FLCN: variants seen among roughly 807,000 people sequenced by gnomAD.
FLCN encodes folliculin.
FLCN carries 22 observed loss-of-function variants against 62.5 expected under a neutral mutation model. The ratio of observed to expected loss-of-function variants is 0.35; its 90% CI spans 0.25 to 0.50. The LOEUF (loss-of-function observed/expected upper bound fraction) is 0.50. Ranked by LOEUF, FLCN falls within the 20% of genes least tolerant of loss-of-function variation. FLCN has a pLI of 0.97. For synonymous variants in FLCN, 319 were observed against 310.0 expected, an observed-to-expected ratio of 1.03 and a Z score of -0.30; for missense variants, 657 against 778.0, an observed-to-expected ratio of 0.84 and a Z score of 1.85.
At chr17:17,234,298 G>A (rs1449862211) in intron 1 of FLCN, among the ~76,000 whole-genome samples, 1 of 147,644 alleles carries the variant, frequency 6.8e-6, no homozygotes, top group Admixed American at 6.9e-5. Flanking sequence ...TGCCACCTCC[G>A]CCTCCCAGGT....
At chr17:17,213,973 C>A (rs1266280170) in intron 13 of FLCN, 117 bp from the exon 14 acceptor site, 5 of 1,088,978 alleles carry the variant, frequency 4.6e-6, no homozygotes, top group Non-Finnish European at 6.9e-6. Flanking sequence ...GCAGGCAGAG[C>A]TGGAATCCAC....
rs1235496125 is a variant in FLCN, at chr17:17,213,754, G to A, written c.1641C>T (p.Val547=). 1 of 1,614,238 alleles carries A rather than the reference G, an allele frequency of 6.2e-7. No homozygotes were observed. The highest frequency in any genetic ancestry group is 8.5e-7 in the Non-Finnish European group (1 of 1,180,044). Residue 547 remains valine, a synonymous_variant, in exon 14 of 14, where the codon GTC becomes GTT. Transcript: ENST00000285071. The part of the protein sequence containing the change: ...SILGASEEDN[V]KLLKFWMTGL... Reference sequence around the variant, plus strand: ...CAGTCATCCAGAACTTCAGCAGCTTGACATTGTCCTCCTCGGACGCACCCA... The same window carrying A: ...CAGTCATCCAGAACTTCAGCAGCTTAACATTGTCCTCCTCGGACGCACCCA...
chr17:17,236,579 G>A (rs1298588986), intron 1 of FLCN, among the ~76,000 whole-genome samples: 1 of 152,136 alleles, frequency 6.6e-6, no homozygotes, highest in Non-Finnish European at 1.5e-5. Context: ...CCTCCCTGGA[G>A]GACACGGTGC....
chr17:17,222,778 T>G, intron 6 of FLCN, 117 bp from the exon 7 acceptor site: 2 of 1,210,994 alleles, frequency 1.7e-6, no homozygotes, highest in Middle Eastern at 2.0e-4. Flanking sequence ...CCCACTATAC[T>G]CTCTCCATGC....
chr17:17,221,762 G>A lies in FLCN; in HGVS notation c.780-134C>T. ...AACACCAGCAGGGCACAACCAGCCAGATCCCGCATGCAGGCAGTTCCACAA... is the reference window on the plus strand; with the variant it reads ...AACACCAGCAGGGCACAACCAGCCAAATCCCGCATGCAGGCAGTTCCACAA... On this transcript the variant is annotated intron_variant, in intron 7 of 13. Transcript: ENST00000285071. The A allele has an allele frequency of 3.3e-6, 3 of 922,686 alleles. No individual in the cohort carries two copies. The South Asian group carries it at 4.3e-5, about 13-fold the overall frequency. The allele number at this position is 922,686 out of a possible 1,614,324, so 57.2% of individuals were successfully genotyped here. A position where few individuals can be genotyped will look rare whatever the true frequency, so the allele number is the denominator to read the frequency against.
At chr17:17,221,242 C>A in intron 8 of FLCN, 1 of 1,536,284 alleles carries the variant, frequency 6.5e-7, no homozygotes, top group South Asian at 1.2e-5. Flanking sequence ...ATCACAAAAT[C>A]GGGACGAGAA....
chr17:17,227,807 C>A, intron 4 of FLCN, 82 bp downstream of exon 4: 2 of 1,597,684 alleles, frequency 1.3e-6, no homozygotes, highest in Non-Finnish European at 1.7e-6. Flanking sequence ...CCCCGGGAGG[C>A]CCCGTCCACT....
At chr17:17,228,891 G>A (rs1420243055) in intron 3 of FLCN, 1 of 152,400 alleles carries the variant, frequency 6.6e-6, no homozygotes, top group East Asian at 1.9e-4. Context: ...AGAGACTGGG[G>A]AGGCTTTGGG....
chr17:17,233,573 T>G (rs1336027430), intron 1 of FLCN, among the ~76,000 whole-genome samples: 2 of 108,514 alleles, frequency 1.8e-5, no homozygotes, highest in Non-Finnish European at 3.4e-5. Context: ...CACTCCAGCC[T>G]GGGCGACACA....
rs2047172936 is a variant in FLCN, at chr17:17,223,965, T to C, written c.575A>G (p.Lys192Arg). The change falls in exon 6 of 14, where the codon AAG becomes AGG. Residue 192 changes from lysine (K) to arginine (R), a missense_variant. Coordinates refer to ENST00000285071, the MANE Select transcript of FLCN (RefSeq NM_144997.7). ...GAGCTCATCGATGATTCCCCGGACC[T>C]TCCCCAGCAGGAAGGGCCAGGAGTT... ...LINSWPFLLG[K>R]VRGIIDELQG... The C allele has an allele frequency of 6.2e-7, 1 of 1,613,362 alleles. No homozygotes were observed. Among genetic ancestry groups the C allele is most frequent in the Non-Finnish European group, 8.5e-7 (1 of 1,180,014 alleles).
chr17:17,222,934 C>T (rs548552778), intron 6 of FLCN: 5 of 481,350 alleles, frequency 1.0e-5, no homozygotes, highest in East Asian at 4.0e-5. Flanking sequence ...GGGGGATTCT[C>T]GTGAGTGGCC....
intron 2 of FLCN, among the ~76,000 whole-genome samples, 158 bp from the exon 3 acceptor site, chr17:17,232,040 G>C (rs528912468): frequency 2.0e-5 from 3 of 152,362 alleles, no homozygotes; most frequent in African/African-American, 7.2e-5. Flanking sequence ...GAGGGAGGCA[G>C]ACAGGCAGCG....
intron 4 of FLCN, 138 bp downstream of exon 4, chr17:17,227,751 G>C (rs1166746711): frequency 6.6e-6 from 8 of 1,211,296 alleles, no homozygotes; most frequent in Non-Finnish European, 9.6e-6. Context: ...CTACAGTCAG[G>C]ATGAGCGGAA....
In FLCN at chr17:17,213,844, C is replaced by T. The variant is rs2144812868; in HGVS notation, c.1551G>A (p.Val517=). 6.2e-7 allele frequency: 1 copy of T among 1,614,156 alleles called. No homozygotes were observed. The highest frequency in any genetic ancestry group is 8.5e-7 in the Non-Finnish European group (1 of 1,179,998). Residue 517 remains valine, a synonymous_variant, in exon 14 of 14, where the codon GTG becomes GTA. Coordinates refer to ENST00000285071, the MANE Select transcript of FLCN (RefSeq NM_144997.7). ...LKEEWMNKVK[V]LFKFTKVDSR... is the part of the protein sequence containing the mutation. ...TGTCCACCTTGGTGAACTTAAAAAG[C>T]ACCTTCACTTTGCTGAAGAAAACCA...
Position 17,224,466 on chromosome 17 carries a change from T to A in FLCN, c.397-323A>T, listed in dbSNP as rs752261491. 1.2e-4 allele frequency: 56 copies of A among 457,144 alleles called. No individual in the cohort carries two copies. Among genetic ancestry groups the A allele is most frequent in the Middle Eastern group, 6.3e-4 (1 of 1,588 alleles). 28.3% of individuals were successfully genotyped at this position (457,144 alleles called of 1,614,324 possible). ...TGTACCAGCTTACTCACCTGGAGCATGCAGAAGAACCAGCAGGTCAGAGCA... is the reference window on the plus strand; with the variant it reads ...TGTACCAGCTTACTCACCTGGAGCAAGCAGAAGAACCAGCAGGTCAGAGCA... On this transcript the variant is annotated intron_variant, in intron 5 of 13. Coordinates refer to ENST00000285071, the MANE Select transcript of FLCN (RefSeq NM_144997.7).
At chr17:17,218,489 G>A (rs548320042) in intron 9 of FLCN, among the ~76,000 whole-genome samples, 2 of 151,022 alleles carry the variant, frequency 1.3e-5, no homozygotes, top group Non-Finnish European at 2.9e-5. Flanking sequence ...AGGTTCAAGC[G>A]ATTCTCCTGC....
At chr17:17,226,470 A>C in intron 4 of FLCN, 148 bp from the exon 5 acceptor site, 2 of 993,358 alleles carry the variant, frequency 2.0e-6, no homozygotes, top group South Asian at 2.8e-5. Flanking sequence ...TGAAGATTTA[A>C]ATGTTTCCTA....
intron 7 of FLCN, 127 bp from the exon 8 acceptor site, chr17:17,221,755 C>A: frequency 1.0e-6 from 1 of 972,830 alleles, no homozygotes; most frequent in Non-Finnish European, 1.6e-6. Flanking sequence ...CAGGGCACAA[C>A]CAGCCAGATC....
At chr17:17,215,466 T>C in intron 11 of FLCN, 150 bp from the exon 12 acceptor site, 1 of 1,266,604 alleles carries the variant, frequency 7.9e-7, no homozygotes, top group South Asian at 1.2e-5. Context: ...CTTTGGTATT[T>C]AAAACCTTTC....
Sources: allele counts gnomAD v4.1 joint callset (sites outside exome capture counted in the v4.1 genomes callset), GRCh38; gene constraint gnomAD v4.1.1; transcripts MANE v1.5; gene names NCBI Gene and HGNC (gene_info 2026-07-23, HGNC 2026-07-21).